Variants in HMGXB3 observed in about 807,000 individuals in gnomAD.
The protein encoded by HMGXB3 is HMG domain-containing protein 3.
HMGXB3 carries 45 observed loss-of-function variants against 121.5 expected under a neutral mutation model. That is an observed-to-expected ratio of 0.37 (90% CI 0.29 to 0.47). The LOEUF is 0.47. Among genes scored for constraint, HMGXB3 ranks in the 20% least tolerant of loss-of-function variants. The pLI, the probability that HMGXB3 is intolerant of heterozygous loss-of-function variation, is 0.99. For synonymous variants in HMGXB3, 590 were observed against 624.1 expected (o/e 0.95, Z 0.81); for missense variants, 1,376 against 1,602.2 (o/e 0.86, Z 2.41).
At chr5:150,034,438 C>G (rs1756453794) in intron 11 of HMGXB3, among the ~76,000 whole-genome samples, 1 of 151,978 alleles carries the variant, frequency 6.6e-6, no homozygotes, top group Non-Finnish European at 1.5e-5. Flanking sequence ...CCTTCCAGTT[C>G]ATTTTAGCTA....
chr5:150,035,014 G>T (rs551450885), intron 11 of HMGXB3, among the ~76,000 whole-genome samples: 146 of 152,330 alleles, frequency 9.6e-4, no homozygotes, highest in Middle Eastern at 3.4e-3. Flanking sequence ...TTTCAGAGAT[G>T]AATAGGACGT....
rs1009402855 is a variant in HMGXB3 at position 150,052,782 on chromosome 5, G to C, written c.*590G>C. 6.5e-6 allele frequency: 1 copy of C among 154,040 alleles called. No individual in the cohort carries two copies. The highest frequency in any genetic ancestry group is 2.4e-5 in the African/African-American group (1 of 41,436). The allele number at this position is 154,040 out of a possible 1,614,324, so 9.5% of individuals were successfully genotyped here. A position where few individuals can be genotyped will look rare whatever the true frequency, so the allele number is the denominator to read the frequency against. ...GAAGCTGAGGAGGGAGGAACAGTCA[G>C]CCACAGCTCTCTTCCAGCACTGTCC... On this transcript the variant is annotated 3_prime_UTR_variant, in exon 20 of 20. Transcript: ENST00000502717.
In HMGXB3 at chr5:150,041,868, C is replaced by T; in HGVS notation, c.2629C>T (p.Arg877Ter). Residue 877 changes from arginine (R) to a stop codon, truncating the protein, a stop_gained, in exon 15 of 20, where the codon CGA becomes TGA. Coordinates refer to ENST00000502717, the MANE Select transcript of HMGXB3 (RefSeq NM_014983.3). LOFTEE classifies it high-confidence loss of function. ...TTGGGCCTTTGAGTGCCTCACTGTC[C>T]GAGACTACAATGACATGATCTGTGG... ...GYWAFECLTV[R>*]DYNDMICGIC... 1.3e-6 allele frequency: 2 copies of T among 1,551,678 alleles called. No individual in the cohort carries two copies. The highest frequency in any genetic ancestry group is 1.7e-6 in the Non-Finnish European group (2 of 1,146,946).
chr5:150,010,026 C>T lies in HMGXB3; in HGVS notation c.313-85C>T, dbSNP rs914438952. 160 of 1,359,880 alleles carry T rather than the reference C, an allele frequency of 1.2e-4. 1 individual carries two copies. The highest frequency in any genetic ancestry group is 3.7e-4 in the Middle Eastern group (2 of 5,382). 84.2% of individuals were successfully genotyped at this position (1,359,880 alleles called of 1,614,324 possible). On this transcript the variant is annotated intron_variant, in intron 3 of 19. Coordinates refer to ENST00000502717, the MANE Select transcript of HMGXB3 (RefSeq NM_014983.3). ...TTGCAGGAAAAAAAAAGAACTTACA[C>T]ATATATATATATCTTTCTCTCTCCA...
At position 150,037,467 on chromosome 5, in the gene HMGXB3, G is replaced by T; in HGVS notation, c.2353G>T (p.Val785Leu). ...ASRLQTVTAQ[V>L]KMCLNPHCLA... ...CCGTCTGCAGACAGTGACTGCCCAG[G>T]TGAAGATGTGTCTGAACCCCCATTG... The change falls in exon 13 of 20, where the codon GTG (valine) becomes TTG (leucine). Residue 785 changes from valine to leucine, a missense_variant. By Grantham distance (32) the Val-to-Leu change is conservative (BLOSUM62 1). Transcript: ENST00000502717. 3.9e-6 allele frequency: 6 copies of T among 1,551,476 alleles called. No individual in the cohort carries two copies. Among genetic ancestry groups the T allele is most frequent in the Non-Finnish European group, 5.2e-6 (6 of 1,146,834 alleles).
intron 11 of HMGXB3, among the ~76,000 whole-genome samples, chr5:150,033,146 A>G (rs761921782): frequency 1.3e-5 from 2 of 152,152 alleles, no homozygotes; most frequent in Non-Finnish European, 2.9e-5. Context: ...GGCTGCTATT[A>G]TTATTATTAC....
At chr5:150,023,994 A>T (rs1380264892) in intron 6 of HMGXB3, among the ~76,000 whole-genome samples, 1 of 152,220 alleles carries the variant, frequency 6.6e-6, no homozygotes, top group Admixed American at 6.5e-5. Flanking sequence ...TGGTTGATGA[A>T]ACCTGGAGAA....
intron 14 of HMGXB3, 91 bp from the exon 15 acceptor site, chr5:150,041,694 A>G: frequency 1.1e-6 from 1 of 894,306 alleles, no homozygotes; most frequent in East Asian, 2.7e-5. Context: ...TCAGTCTGGC[A>G]GAATTGCTCT....
chr5:150,036,530 C>A, intron 11 of HMGXB3, 106 bp from the exon 12 acceptor site: 1 of 998,418 alleles, frequency 1.0e-6, no homozygotes. Context: ...TGCCACCTAT[C>A]AGTCATGGGC....
intron 5 of HMGXB3, among the ~76,000 whole-genome samples, chr5:150,015,753 T>A (rs974524760): frequency 6.6e-6 from 1 of 152,240 alleles, no homozygotes; most frequent in South Asian, 2.1e-4. Context: ...AGCGTATTAT[T>A]TACTCTGCAA....
intron 15 of HMGXB3, among the ~76,000 whole-genome samples, chr5:150,043,204 T>C (rs972315273): frequency 3.3e-5 from 5 of 152,240 alleles, no homozygotes; most frequent in South Asian, 2.1e-4. Flanking sequence ...ATAAAACTTT[T>C]AGCAAACAGA....
intron 15 of HMGXB3, among the ~76,000 whole-genome samples, chr5:150,043,320 G>C (rs1215104378): frequency 2.0e-5 from 3 of 152,162 alleles, no homozygotes; most frequent in Admixed American, 1.3e-4. Flanking sequence ...TCACAGGCAG[G>C]GACTGCGCCT....
intron 11 of HMGXB3, among the ~76,000 whole-genome samples, chr5:150,035,396 G>A (rs972876552): frequency 6.6e-6 from 1 of 152,096 alleles, no homozygotes; most frequent in Non-Finnish European, 1.5e-5. Flanking sequence ...CTACTCATGA[G>A]GGATCTGCCC....
In HMGXB3 at chr5:150,041,769, C is replaced by A; in HGVS notation, c.2546-16C>A. The A allele has an allele frequency of 1.9e-6, 3 of 1,548,114 alleles. No homozygotes were observed. The highest frequency in any genetic ancestry group is 1.7e-6 in the Non-Finnish European group (2 of 1,144,578). ...CTTTTTCTGTGCCCTTCTCAGTGTTCTTGCTCTTCTTTCAGAGAAGACTCT... is the reference window on the plus strand; with the variant it reads ...CTTTTTCTGTGCCCTTCTCAGTGTTATTGCTCTTCTTTCAGAGAAGACTCT... On this transcript the variant is annotated splice_polypyrimidine_tract_variant and intron_variant, in intron 14 of 19. Transcript: ENST00000502717.
Position 150,036,755 on chromosome 5 carries a change from G to T in HMGXB3, c.2103G>T (p.Glu701Asp), listed in dbSNP as rs1581261827. Residue 701 changes from glutamate (E) to aspartate (D), a missense_variant, in exon 12 of 20, where the codon GAG becomes GAT. Physicochemically the swap from Glu to Asp is conservative, Grantham distance 45. Around this residue, in one of 2 missense-constraint regions of HMGXB3, gnomAD observed 1,116 missense variants for 1,369.0 expected, o/e 0.82. Transcript: ENST00000502717. Reference sequence around the variant, plus strand: ...TGCGCAAAGTCCTGCAGATTCCTGAGAATGAGTCAGAGCTGGCTGAGGTCT... The same window carrying T: ...TGCGCAAAGTCCTGCAGATTCCTGATAATGAGTCAGAGCTGGCTGAGGTCT... Reference protein sequence around the residue: ...QLLRKVLQIPENESELAEVFA... With the variant: ...QLLRKVLQIPDNESELAEVFA... 1.3e-6 allele frequency: 2 copies of T among 1,551,598 alleles called. No individual in the cohort carries two copies. Among genetic ancestry groups the T allele is most frequent in the Non-Finnish European group, 1.7e-6 (2 of 1,147,020 alleles).
rs1156786746 is a variant in HMGXB3, at chr5:150,000,768, A to T, written c.-414A>T. 6.5e-6 allele frequency: 1 copy of T among 154,354 alleles called. No homozygotes were observed. The highest frequency in any genetic ancestry group is 1.5e-5 in the Non-Finnish European group (1 of 68,114). 9.6% of individuals were successfully genotyped at this position (154,354 alleles called of 1,614,324 possible). On this transcript the variant is annotated 5_prime_UTR_variant, in exon 1 of 20. Coordinates refer to ENST00000502717, the MANE Select transcript of HMGXB3 (RefSeq NM_014983.3). Reference sequence around the variant, plus strand: ...CGTGGTGTGCCGCTACTGCCGGTGCAGCCGCCAAACCGGTGCCTCGGTGAC... The same window carrying T: ...CGTGGTGTGCCGCTACTGCCGGTGCTGCCGCCAAACCGGTGCCTCGGTGAC...
chr5:150,020,989 T>G (rs1038328732), intron 6 of HMGXB3, among the ~76,000 whole-genome samples: 3 of 152,272 alleles, frequency 2.0e-5, no homozygotes, highest in Middle Eastern at 3.4e-3. Flanking sequence ...GTGATCCACC[T>G]GCCTCCCAAA....
chr5:150,010,125 T>TG lies in HMGXB3; in HGVS notation c.328dup (p.Ala110GlyfsTer81). The TG allele has an allele frequency of 6.4e-7, 1 of 1,551,410 alleles. No individual in the cohort carries two copies. The highest frequency in any genetic ancestry group is 8.7e-7 in the Non-Finnish European group (1 of 1,146,782). ...CTCATCCTCAGAACTCTAAGCTCTC[T>TG]GCACTGACTGCTGTGGTTCCGGACA... On this transcript the variant is annotated frameshift_variant, in exon 4 of 20. Coordinates refer to ENST00000502717, the MANE Select transcript of HMGXB3 (RefSeq NM_014983.3).
At chr5:150,011,135 C>A (rs188913802) in intron 4 of HMGXB3, among the ~76,000 whole-genome samples, 4 of 152,104 alleles carry the variant, frequency 2.6e-5, no homozygotes, top group Admixed American at 1.3e-4. Flanking sequence ...GAGCTGTGTA[C>A]AAGAATTTTC....
Sources: allele counts gnomAD v4.1 joint callset (sites outside exome capture counted in the v4.1 genomes callset), GRCh38; gene constraint gnomAD v4.1.1; regional missense constraint gnomAD v4.1.1; transcripts MANE v1.5; gene names NCBI Gene and HGNC (gene_info 2026-07-23, HGNC 2026-07-21).